Variants in MSH3 observed in about 807,000 individuals in gnomAD.
The protein encoded by MSH3 is mutS homolog 3.
MSH3 carries 106 observed loss-of-function variants against 123.3 expected under a neutral mutation model. The observed-to-expected ratio is 0.86, with a 90% CI of 0.73 to 1.01. The LOEUF (loss-of-function observed/expected upper bound fraction) is 1.01. Among genes scored for constraint, MSH3 ranks in the 50% least tolerant of loss-of-function variants. MSH3 has a pLI of 0.00. For missense variants in MSH3, 1,459 were observed against 1,347.6 expected (o/e 1.08, Z -1.29); for synonymous variants, 515 against 481.4 (o/e 1.07, Z -0.91).
chr5:80,661,657 G>A (rs1749437636), intron 2 of MSH3, among the ~76,000 whole-genome samples: 1 of 152,014 alleles, frequency 6.6e-6, no homozygotes, highest in Non-Finnish European at 1.5e-5. Flanking sequence ...TATGCTAATT[G>A]CATCATATCT....
chr5:80,683,838 T>C (rs1334234694), intron 8 of MSH3, among the ~76,000 whole-genome samples: 3 of 152,244 alleles, frequency 2.0e-5, no homozygotes, highest in Non-Finnish European at 4.4e-5. Flanking sequence ...TTTAAGTCTT[T>C]AATCCATTTT....
At chr5:80,721,494 G>A (rs183142292) in intron 8 of MSH3, among the ~76,000 whole-genome samples, 129 of 151,440 alleles carry the variant, frequency 8.5e-4, no homozygotes, top group African/African-American at 3.0e-3. Context: ...TTTCCAGTGA[G>A]TACCTCGTTG....
chr5:80,718,227 G>A, intron 8 of MSH3, among the ~76,000 whole-genome samples: 1 of 152,036 alleles, frequency 6.6e-6, no homozygotes, highest in East Asian at 1.9e-4. Flanking sequence ...TGTCACCCAA[G>A]TATGTATCCT....
chr5:80,726,704 A>G lies in MSH3; in HGVS notation c.1453+1139A>G, dbSNP rs548628072. 1.2e-4 allele frequency among the ~76,000 whole-genome samples: 18 copies of G among 152,176 alleles called. No homozygotes were observed. In the South Asian group the frequency reaches 1.7e-3, roughly 14 times the overall value. The stretch of plus-strand genomic sequence containing the variant: ...GGCTGGTCTTGAACTCCTGGGCTCA[A>G]ACGATCCTCCCACCTCAGTCTGCCA... On this transcript the variant is annotated intron_variant, in intron 9 of 23. Coordinates refer to ENST00000265081, the MANE Select transcript of MSH3 (RefSeq NM_002439.5).
At chr5:80,730,908 C>CTT (rs1277889418) in intron 10 of MSH3, among the ~76,000 whole-genome samples, 1 of 102,628 alleles carries the variant, frequency 9.7e-6, no homozygotes, top group East Asian at 2.9e-4. Flanking sequence ...TTTTTTTTTT[C>CTT]TTTTTTTTTT....
intron 3 of MSH3, among the ~76,000 whole-genome samples, chr5:80,667,650 C>T (rs1039207849): frequency 2.0e-5 from 3 of 152,206 alleles, no homozygotes; most frequent in Non-Finnish European, 2.9e-5. Context: ...CTGGCTTCGG[C>T]AGGGTGGGCA....
intron 21 of MSH3, among the ~76,000 whole-genome samples, chr5:80,864,267 G>A (rs1001011750): frequency 1.3e-5 from 2 of 152,048 alleles, no homozygotes; most frequent in African/African-American, 4.8e-5. Context: ...ATGTTTGGAG[G>A]AAATAGCAAA....
chr5:80,731,417 G>T (rs1271741852), intron 10 of MSH3, among the ~76,000 whole-genome samples: 1 of 151,984 alleles, frequency 6.6e-6, no homozygotes, highest in Non-Finnish European at 1.5e-5. Context: ...TCTACCTGTT[G>T]GGTACTTCCA....
At chr5:80,767,538 T>C (rs1744143688) in intron 13 of MSH3, among the ~76,000 whole-genome samples, 2 of 152,194 alleles carry the variant, frequency 1.3e-5, no homozygotes, top group African/African-American at 4.8e-5. Flanking sequence ...CATTGTTCTT[T>C]GGATTATTCA....
Position 80,775,679 on chromosome 5 carries a change from T to C in MSH3, c.2254-15T>C. On this transcript the variant is annotated splice_polypyrimidine_tract_variant and intron_variant, in intron 15 of 23. Coordinates refer to ENST00000265081, the MANE Select transcript of MSH3 (RefSeq NM_002439.5). ...GTTACTTATCTAAATCTCTGTTTAT[T>C]TGTATTTGTTTTAGTTTATGATAGA... is the stretch of plus-strand genomic sequence containing the variant. 1 of 1,376,486 alleles carries C rather than the reference T, an allele frequency of 7.3e-7. No homozygotes were observed. Among genetic ancestry groups the C allele is most frequent in the Non-Finnish European group, 1.0e-6 (1 of 965,886 alleles). The allele number at this position is 1,376,486 out of a possible 1,614,324, so 85.3% of individuals were successfully genotyped here.
intron 1 of MSH3, 21 bp downstream of exon 1, chr5:80,654,985 G>A (rs972599756): frequency 1.4e-6 from 2 of 1,399,638 alleles, no homozygotes; most frequent in Non-Finnish European, 1.9e-6. Context: ...TCTGGGACTG[G>A]GCAGGGCCAT....
Position 80,768,125 on chromosome 5 carries a change from G to C in MSH3, c.2084+5G>C, listed in dbSNP as rs1580034045. 5.6e-6 allele frequency: 9 copies of C among 1,612,496 alleles called. No homozygotes were observed. Among genetic ancestry groups the C allele is most frequent in the Non-Finnish European group, 2.5e-6 (3 of 1,178,598 alleles). On this transcript the variant is annotated splice_donor_5th_base_variant and intron_variant, in intron 14 of 23. Transcript: ENST00000265081. Reference sequence around the variant, plus strand: ...ACTCAATGAACAAGCTGCCAAGTAAGTACCAGACCCTGAATTCTTCCTTTT... The same window carrying C: ...ACTCAATGAACAAGCTGCCAAGTAACTACCAGACCCTGAATTCTTCCTTTT...
intron 17 of MSH3, among the ~76,000 whole-genome samples, chr5:80,784,234 A>AGG (rs1744462191): frequency 2.3e-5 from 3 of 132,022 alleles, no homozygotes; most frequent in African/African-American, 1.1e-4. Context: ...AAAAAAAAAA[A>AGG]AAAAAGGGAA....
chr5:80,654,688 TCGCCAGGCCCTGC>T lies in MSH3; in HGVS notation c.-35_-23del, dbSNP rs1749177138. 2 of 1,559,246 alleles carry T rather than the reference TCGCCAGGCCCTGC, an allele frequency of 1.3e-6. No homozygotes were observed. Among genetic ancestry groups the T allele is most frequent in the South Asian group, 1.1e-5 (1 of 88,080 alleles). On this transcript the variant is annotated 5_prime_UTR_variant, in exon 1 of 24. Transcript: ENST00000265081. The stretch of plus-strand genomic sequence containing the variant: ...AACTGCGGCCGCGGGCTCGCGCTCC[TCGCCAGGCCCTGC>T]CGCCGGGCTGCCATCCTTGCCCTGC...
chr5:80,691,749 G>GTA (rs1161613590), intron 8 of MSH3, among the ~76,000 whole-genome samples: 14 of 144,400 alleles, frequency 9.7e-5, no homozygotes, highest in Admixed American at 7.3e-5. Context: ...ATATGTGTGT[G>GTA]TATATATATA....
chr5:80,693,521 GTA>G (rs1160145848), intron 8 of MSH3, among the ~76,000 whole-genome samples: 3 of 149,636 alleles, frequency 2.0e-5, no homozygotes, highest in Admixed American at 1.3e-4. Flanking sequence ...ATATGCACAT[GTA>G]TATGTTTATA....
intron 8 of MSH3, among the ~76,000 whole-genome samples, chr5:80,696,562 G>T (rs1379685162): frequency 6.6e-6 from 1 of 152,146 alleles, no homozygotes; most frequent in Non-Finnish European, 1.5e-5. Flanking sequence ...TAAACCTGGG[G>T]AACTCACCGT....
intron 20 of MSH3, among the ~76,000 whole-genome samples, chr5:80,831,184 A>G (rs1745410861): frequency 1.3e-5 from 2 of 152,244 alleles, no homozygotes. Flanking sequence ...TCATATTGCT[A>G]GAAGAAGGCT....
At chr5:80,742,251 C>G (rs980116218) in intron 11 of MSH3, among the ~76,000 whole-genome samples, 3 of 152,170 alleles carry the variant, frequency 2.0e-5, no homozygotes, top group African/African-American at 7.2e-5. Context: ...CTCAGGTGAT[C>G]CACCTGCCTC....
Sources: allele counts gnomAD v4.1 joint callset (sites outside exome capture counted in the v4.1 genomes callset), GRCh38; gene constraint gnomAD v4.1.1; transcripts MANE v1.5; gene names NCBI Gene and HGNC (gene_info 2026-07-23, HGNC 2026-07-21).